The following LRBA variants were observed in gnomAD, a reference collection of about 807,000 sequenced individuals.
LRBA encodes LPS responsive beige-like anchor protein.
A neutral mutation model predicts 330.0 loss-of-function variants in LRBA; 176 were observed. That is an observed-to-expected ratio of 0.53 (90% CI 0.47 to 0.60). The LOEUF (loss-of-function observed/expected upper bound fraction) is 0.60. LRBA is among the 20% of genes least tolerant of loss of function. The pLI is 0.00. For synonymous variants in LRBA, 1,230 were observed against 1,193.0 expected, an observed-to-expected ratio of 1.03 and a Z score of -0.64; for missense variants, 3,259 against 3,444.8, an observed-to-expected ratio of 0.95 and a Z score of 1.35.
chr4:150,535,129 G>A (rs1764506776), intron 40 of LRBA, among the ~76,000 whole-genome samples: 2 of 151,862 alleles, frequency 1.3e-5, no homozygotes, highest in African/African-American at 4.8e-5. Context: ...TATCTATTGT[G>A]TATTATTTTG....
chr4:150,967,624 G>T (rs1739049407), intron 2 of LRBA, among the ~76,000 whole-genome samples: 1 of 152,154 alleles, frequency 6.6e-6, no homozygotes, highest in Admixed American at 6.5e-5. Context: ...AAGGTTTGTG[G>T]CAGCCCTGCA....
intron 2 of LRBA, among the ~76,000 whole-genome samples, chr4:150,948,035 A>C (rs1372836201): frequency 6.6e-6 from 1 of 152,090 alleles, no homozygotes; most frequent in East Asian, 1.9e-4. Flanking sequence ...CTGCATTCAT[A>C]GTACAGCTGT....
intron 2 of LRBA, among the ~76,000 whole-genome samples, chr4:151,010,492 T>C (rs2149674201): frequency 6.6e-6 from 1 of 152,140 alleles, no homozygotes; most frequent in Middle Eastern, 3.4e-3. Context: ...AAAACAGATT[T>C]GCAAAAGAAA....
chr4:150,711,270 G>A (rs1786177070), intron 36 of LRBA, among the ~76,000 whole-genome samples: 1 of 148,610 alleles, frequency 6.7e-6, no homozygotes, highest in South Asian at 2.1e-4. Flanking sequence ...GAGTCTCACT[G>A]TGTCACCCAG....
intron 36 of LRBA, among the ~76,000 whole-genome samples, chr4:150,729,224 G>A (rs972256409): frequency 5.3e-5 from 8 of 152,094 alleles, no homozygotes; most frequent in Admixed American, 1.3e-4. Context: ...ATACTGAGGT[G>A]GGCAGACTGA....
intron 2 of LRBA, among the ~76,000 whole-genome samples, chr4:150,933,097 G>T (rs1734689458): frequency 6.6e-6 from 1 of 151,870 alleles, no homozygotes; most frequent in Non-Finnish European, 1.5e-5. Flanking sequence ...CAAGATAAAG[G>T]TTAATGACAG....
intron 47 of LRBA, among the ~76,000 whole-genome samples, chr4:150,385,277 A>G (rs1223273816): frequency 6.6e-6 from 1 of 152,192 alleles, no homozygotes; most frequent in East Asian, 1.9e-4. Flanking sequence ...CTCTTTATGT[A>G]AAAGCACAAA....
intron 28 of LRBA, among the ~76,000 whole-genome samples, chr4:150,843,285 T>A (rs1018452378): frequency 6.6e-6 from 1 of 151,336 alleles, no homozygotes; most frequent in Non-Finnish European, 1.5e-5. Context: ...AGAATAAAAC[T>A]ATTGAAAAAA....
chr4:150,918,609 G>T (rs1010113159), intron 5 of LRBA, among the ~76,000 whole-genome samples: 4 of 152,134 alleles, frequency 2.6e-5, no homozygotes, highest in Admixed American at 6.5e-5. Flanking sequence ...AGTTAGCTGG[G>T]CATGGTGGTA....
intron 36 of LRBA, among the ~76,000 whole-genome samples, chr4:150,691,222 G>A (rs1028447879): frequency 6.6e-6 from 1 of 151,968 alleles, no homozygotes; most frequent in African/African-American, 2.4e-5. Context: ...GAGCCACCAT[G>A]CCTGGCCCAA....
At chr4:150,849,362 A>T (rs1401944932) in intron 25 of LRBA, 60 bp downstream of exon 25, 1 of 1,494,862 alleles carries the variant, frequency 6.7e-7, no homozygotes, top group Non-Finnish European at 9.2e-7. Flanking sequence ...AGTTTTAGTC[A>T]ATAAAGTTGC....
At chr4:150,865,820 A>G (rs1752607776) in intron 22 of LRBA, among the ~76,000 whole-genome samples, 1 of 151,804 alleles carries the variant, frequency 6.6e-6, no homozygotes, top group Admixed American at 6.6e-5. Context: ...GGTTCAAGCA[A>G]TTCTCCTGCC....
At chr4:150,791,795 G>A (rs1177794312) in intron 34 of LRBA, among the ~76,000 whole-genome samples, 5 of 152,006 alleles carry the variant, frequency 3.3e-5, no homozygotes, top group Non-Finnish European at 5.9e-5. Flanking sequence ...TTGGGAGGCC[G>A]AGGCAGGTGG....
intron 48 of LRBA, among the ~76,000 whole-genome samples, chr4:150,348,025 C>T (rs1045411979): frequency 6.6e-6 from 1 of 152,302 alleles, no homozygotes; most frequent in African/African-American, 2.4e-5. Flanking sequence ...ACACTAGCCA[C>T]ATTTCAATGT....
At chr4:150,504,833 C>A (rs887669253) in intron 40 of LRBA, among the ~76,000 whole-genome samples, 2 of 152,152 alleles carry the variant, frequency 1.3e-5, no homozygotes, top group Admixed American at 6.5e-5. Context: ...GGAGACCCAT[C>A]TCACATGCAG....
intron 47 of LRBA, among the ~76,000 whole-genome samples, chr4:150,365,688 G>T (rs1270531101): frequency 6.6e-6 from 1 of 151,276 alleles, no homozygotes; most frequent in Admixed American, 6.6e-5. Flanking sequence ...CTACTCAGGA[G>T]GCTGAGGCAA....
At chr4:150,279,077 G>A (rs560765526) in intron 55 of LRBA, among the ~76,000 whole-genome samples, 1 of 152,288 alleles carries the variant, frequency 6.6e-6, no homozygotes, top group East Asian at 1.9e-4. Context: ...CACCCGCTCG[G>A]ACTCCCAAAG....
intron 2 of LRBA, among the ~76,000 whole-genome samples, chr4:150,965,499 GTT>G (rs1257545469): frequency 3.3e-5 from 5 of 152,032 alleles, no homozygotes. Context: ...TACTTTTCAG[GTT>G]TTCTCTCTAT....
intron 24 of LRBA, among the ~76,000 whole-genome samples, chr4:150,850,239 G>A (rs1454080797): frequency 6.6e-6 from 1 of 151,678 alleles, no homozygotes; most frequent in African/African-American, 2.4e-5. Flanking sequence ...GACTACAGAC[G>A]CCCGCCACCA....
Sources: allele counts gnomAD v4.1 joint callset (sites outside exome capture counted in the v4.1 genomes callset), GRCh38; gene constraint gnomAD v4.1.1; transcripts MANE v1.5; gene names NCBI Gene and HGNC (gene_info 2026-07-23, HGNC 2026-07-21).